VIPR1: variants seen among roughly 807,000 people sequenced by gnomAD.
The protein encoded by VIPR1 is vasoactive intestinal peptide receptor 1.
In VIPR1, 59 loss-of-function variants were observed where a neutral mutation model predicts 58.8. The ratio of observed to expected loss-of-function variants is 1.00; its 90% CI spans 0.81 to 1.25. VIPR1 has a LOEUF of 1.25. Ranked by LOEUF, VIPR1 falls within the 50% of genes most tolerant of loss-of-function variation. The pLI, the probability that VIPR1 is intolerant of heterozygous loss-of-function variation, is 0.00. For missense variants in VIPR1, 626 were observed against 602.7 expected, an observed-to-expected ratio of 1.04 and a Z score of -0.40; for synonymous variants, 251 against 242.1, an observed-to-expected ratio of 1.04 and a Z score of -0.34.
At chr3:42,514,377 G>A (rs1700519451) in intron 2 of VIPR1, among the ~76,000 whole-genome samples, 2 of 152,050 alleles carry the variant, frequency 1.3e-5, no homozygotes, top group Non-Finnish European at 2.9e-5. Context: ...CCACATGGAA[G>A]CTCAAAGCCA....
chr3:42,503,533 T>C (rs867431361), intron 1 of VIPR1, among the ~76,000 whole-genome samples: 2 of 152,150 alleles, frequency 1.3e-5, no homozygotes, highest in African/African-American at 2.4e-5. Flanking sequence ...GGTATGTGTA[T>C]GCCCTTGATA....
rs1364663723 is a variant in VIPR1, at chr3:42,530,773, C to G, written c.637-6C>G. The G allele has an allele frequency of 3.1e-6, 5 of 1,613,758 alleles. No homozygotes were observed. The highest frequency in any genetic ancestry group is 3.4e-6 in the Non-Finnish European group (4 of 1,179,706). On this transcript the variant is annotated splice_polypyrimidine_tract_variant and splice_region_variant and intron_variant, in intron 6 of 12. Coordinates refer to ENST00000325123, the MANE Select transcript of VIPR1 (RefSeq NM_004624.4). ...GTGAACCCCGTCTTTTCTCCTCCCC[C>G]TGCAGGTGGGCTGTAAGGCAGCCAT...
chr3:42,491,031 G>A (rs918863458), intron 1 of VIPR1, among the ~76,000 whole-genome samples: 12 of 152,152 alleles, frequency 7.9e-5, no homozygotes, highest in African/African-American at 2.4e-4. Flanking sequence ...ACAATAGTCA[G>A]TCTGAGAGAA....
At chr3:42,499,644 C>G (rs1204978920), upstream of VIPR1, among the ~76,000 whole-genome samples, 1 of 152,146 alleles carries the variant, frequency 6.6e-6, no homozygotes. Flanking sequence ...GACTATGGCT[C>G]TCCTCCTCAA....
At chr3:42,523,479 C>T (rs1292974151) in intron 3 of VIPR1, among the ~76,000 whole-genome samples, 2 of 152,182 alleles carry the variant, frequency 1.3e-5, no homozygotes, top group Non-Finnish European at 2.9e-5. Flanking sequence ...TGCTCCCTTG[C>T]TGTGTGACCA....
intron 9 of VIPR1, 38 bp from the exon 10 acceptor site, chr3:42,532,204 C>A: frequency 6.2e-7 from 1 of 1,602,448 alleles, no homozygotes; most frequent in Non-Finnish European, 8.6e-7. Context: ...CTCAGCCTTC[C>A]CGCTCTGACT....
chr3:42,509,021 A>C (rs1577208297), intron 1 of VIPR1: 1 of 151,330 alleles, frequency 6.6e-6, no homozygotes, highest in Non-Finnish European at 1.5e-5. Context: ...AAATGAAACC[A>C]CTCCTGAGCC....
intron 11 of VIPR1, 80 bp from the exon 12 acceptor site, chr3:42,535,263 A>AG: frequency 6.5e-7 from 1 of 1,544,444 alleles, no homozygotes; most frequent in Non-Finnish European, 8.9e-7. Flanking sequence ...AGGGGAACAC[A>AG]GGGGCTGGAG....
chr3:42,529,154 G>A (rs1701391966), intron 6 of VIPR1, among the ~76,000 whole-genome samples: 1 of 152,124 alleles, frequency 6.6e-6, no homozygotes, highest in Non-Finnish European at 1.5e-5. Flanking sequence ...TAACTGTCCT[G>A]GTAAAGAGCT....
chr3:42,503,612 A>T (rs921477008), intron 1 of VIPR1, among the ~76,000 whole-genome samples: 1 of 152,074 alleles, frequency 6.6e-6, no homozygotes, highest in African/African-American at 2.4e-5. Context: ...CTGGGCTGGG[A>T]GGCAGATGCT....
intron 1 of VIPR1, among the ~76,000 whole-genome samples, chr3:42,492,926 G>A (rs1699691815): frequency 6.6e-6 from 1 of 152,238 alleles, no homozygotes; most frequent in South Asian, 2.1e-4. Flanking sequence ...ATGCAGGCTG[G>A]GCTACTGTGG....
chr3:42,503,190 T>C (rs573177634), intron 1 of VIPR1, among the ~76,000 whole-genome samples: 47 of 151,818 alleles, frequency 3.1e-4, no homozygotes, highest in African/African-American at 1.0e-3. Context: ...ACACCGTAGG[T>C]GAGAGGGAGG....
intron 3 of VIPR1, among the ~76,000 whole-genome samples, chr3:42,522,866 C>T (rs893519370): frequency 6.6e-6 from 1 of 152,108 alleles, no homozygotes; most frequent in African/African-American, 2.4e-5. Context: ...TAGGCACAAG[C>T]GGGGGCCATG....
intron 6 of VIPR1, 165 bp downstream of exon 6, chr3:42,528,288 T>G: frequency 1.6e-5 from 14 of 895,864 alleles, no homozygotes; most frequent in African/African-American, 2.0e-5. Flanking sequence ...CACCTGGCAG[T>G]ACTCAAATCA....
At chr3:42,513,567 G>A (rs1700468277) in intron 1 of VIPR1, 182 bp from the exon 2 acceptor site, 1 of 606,644 alleles carries the variant, frequency 1.6e-6, no homozygotes, top group African/African-American at 1.9e-5. Context: ...GGCCGACCCA[G>A]GTTTGGGGGC....
At chr3:42,496,025 G>T (rs1277963169) in intron 1 of VIPR1, among the ~76,000 whole-genome samples, 12 of 151,900 alleles carry the variant, frequency 7.9e-5, no homozygotes, top group Non-Finnish European at 1.5e-4. Context: ...CACATTTGTG[G>T]TAGGAGTTCG....
At position 42,530,776 on chromosome 3, in the gene VIPR1, C is replaced by A. The variant is rs1701498265; in HGVS notation, c.637-3C>A. ...AACCCCGTCTTTTCTCCTCCCCCTG[C>A]AGGTGGGCTGTAAGGCAGCCATGGT... is the stretch of plus-strand genomic sequence containing the variant. On this transcript the variant is annotated splice_polypyrimidine_tract_variant and splice_region_variant and intron_variant, in intron 6 of 12. Transcript: ENST00000325123. The A allele has an allele frequency of 1.2e-6, 2 of 1,613,776 alleles. No homozygotes were observed. The highest frequency in any genetic ancestry group is 1.7e-6 in the Non-Finnish European group (2 of 1,179,724).
chr3:42,532,431 A>G (rs1001006809), intron 10 of VIPR1, 98 bp downstream of exon 10: 14 of 1,277,426 alleles, frequency 1.1e-5, no homozygotes, highest in Non-Finnish European at 1.6e-5. Context: ...AAACATCCAG[A>G]GTCACCAAAG....
intron 10 of VIPR1, chr3:42,534,636 T>G: frequency 5.5e-6 from 1 of 182,212 alleles, no homozygotes; most frequent in East Asian, 1.6e-4. Context: ...GAACTCCCAA[T>G]AGTGGATTTC....
Sources: gnomAD v4.1 joint callset for allele counts (sites outside exome capture counted in the v4.1 genomes callset) on GRCh38, gnomAD v4.1.1 for gene constraint, MANE v1.5 for transcripts, NCBI Gene and HGNC (gene_info 2026-07-23, HGNC 2026-07-21) for gene names.